Variants in NKAIN3 observed in about 807,000 individuals in gnomAD.
NKAIN3 encodes the protein sodium/potassium transporting ATPase interacting 3.
In NKAIN3, 25 loss-of-function variants were observed where a neutral mutation model predicts 30.2. The ratio of observed to expected loss-of-function variants is 0.83; its 90% CI spans 0.60 to 1.16. The LOEUF (loss-of-function observed/expected upper bound fraction) is 1.16. NKAIN3 is among the 50% of genes most tolerant of loss of function. NKAIN3 has a pLI of 0.00. For synonymous variants in NKAIN3, 91 were observed against 89.6 expected, an observed-to-expected ratio of 1.02 and a Z score of -0.09; for missense variants, 225 against 254.1, an observed-to-expected ratio of 0.89 and a Z score of 0.78.
intron 1 of NKAIN3, among the ~76,000 whole-genome samples, chr8:62,294,043 G>T (rs1351398094): frequency 6.6e-6 from 1 of 152,222 alleles, no homozygotes; most frequent in Admixed American, 6.5e-5. Flanking sequence ...AGTCAGGCAC[G>T]GGATGCAATC....
chr8:62,937,702 CA>C (rs1003000816), intron 5 of NKAIN3, among the ~76,000 whole-genome samples: 13 of 151,828 alleles, frequency 8.6e-5, no homozygotes, highest in Middle Eastern at 3.2e-3. Context: ...AGTGGGGGGG[CA>C]AAAGGGAAGT....
chr8:62,821,979 C>G (rs1016415472), intron 4 of NKAIN3, among the ~76,000 whole-genome samples: 1 of 151,930 alleles, frequency 6.6e-6, no homozygotes, highest in African/African-American at 2.4e-5. Flanking sequence ...TACGGAAAAG[C>G]CTTTATAGAG....
At chr8:62,364,530 C>T (rs1021217537) in intron 1 of NKAIN3, among the ~76,000 whole-genome samples, 1 of 151,976 alleles carries the variant, frequency 6.6e-6, no homozygotes, top group Non-Finnish European at 1.5e-5. Context: ...CTCCTTTGTT[C>T]TTCCCTTTTT....
chr8:62,405,538 G>A (rs1227832928), intron 1 of NKAIN3, among the ~76,000 whole-genome samples: 1 of 152,212 alleles, frequency 6.6e-6, no homozygotes, highest in African/African-American at 2.4e-5. Context: ...CACTGTGACA[G>A]AGAAGCACTG....
intron 6 of NKAIN3, among the ~76,000 whole-genome samples, chr8:62,964,515 G>C (rs1397464853): frequency 6.9e-6 from 1 of 145,354 alleles, no homozygotes; most frequent in African/African-American, 2.5e-5. Flanking sequence ...AACAGAACCA[G>C]TAGAGAAAGA....
intron 1 of NKAIN3, among the ~76,000 whole-genome samples, chr8:62,540,662 T>G (rs1808808955): frequency 6.6e-6 from 1 of 152,124 alleles, no homozygotes. Context: ...CTAGACCTAT[T>G]CTTCAGCTGT....
rs1815616038 is a variant in NKAIN3 at position 62,337,835 on chromosome 8, T to C, written c.54+88708T>C. On this transcript the variant is annotated intron_variant, in intron 1 of 6. Transcript: ENST00000623646. ...TTGTCCACTGAATTAATTTCACAACTGCAGTTTATTTCATAAACTGAAGTG... is the reference window on the plus strand; with the variant it reads ...TTGTCCACTGAATTAATTTCACAACCGCAGTTTATTTCATAAACTGAAGTG... Among the ~76,000 whole-genome samples the C allele has an allele frequency of 2.6e-5, 4 of 152,148 alleles. No homozygotes were observed. The South Asian group carries it at 8.3e-4, about 32-fold the overall frequency.
At chr8:62,287,506 A>T (rs147009299) in intron 1 of NKAIN3, among the ~76,000 whole-genome samples, 164 of 152,210 alleles carry the variant, frequency 1.1e-3, no homozygotes, top group African/African-American at 3.8e-3. Context: ...ATATAGTCAT[A>T]GTATATAGGT....
At chr8:62,545,297 C>G (rs1357043643) in intron 1 of NKAIN3, among the ~76,000 whole-genome samples, 1 of 152,086 alleles carries the variant, frequency 6.6e-6, no homozygotes, top group Non-Finnish European at 1.5e-5. Flanking sequence ...AAATGAGCAC[C>G]TCTTCCACTG....
intron 1 of NKAIN3, among the ~76,000 whole-genome samples, chr8:62,423,837 A>G (rs1248551588): frequency 6.6e-6 from 1 of 151,996 alleles, no homozygotes; most frequent in Non-Finnish European, 1.5e-5. Context: ...TACTAAAAAC[A>G]TTCTTTATTT....
intron 1 of NKAIN3, among the ~76,000 whole-genome samples, chr8:62,309,146 A>T (rs1403261083): frequency 6.6e-6 from 1 of 150,656 alleles, no homozygotes; most frequent in Non-Finnish European, 1.5e-5. Context: ...TTGTTTTATA[A>T]AATGGTGCTC....
chr8:62,487,875 G>T (rs1354675101), intron 1 of NKAIN3, among the ~76,000 whole-genome samples: 4 of 152,160 alleles, frequency 2.6e-5, no homozygotes, highest in Non-Finnish European at 4.4e-5. Context: ...AGAGTTTGGG[G>T]TAGTATACCA....
intron 1 of NKAIN3, among the ~76,000 whole-genome samples, chr8:62,430,387 G>A (rs1333869208): frequency 6.6e-6 from 1 of 150,900 alleles, no homozygotes; most frequent in Non-Finnish European, 1.5e-5. Context: ...GTGTGTGTGT[G>A]TGTGTGTGTG....
chr8:62,631,960 G>T (rs1169665119), intron 3 of NKAIN3, among the ~76,000 whole-genome samples: 1 of 152,120 alleles, frequency 6.6e-6, no homozygotes, highest in Non-Finnish European at 1.5e-5. Context: ...TTCAAGTTAG[G>T]CACTGGATAA....
chr8:62,621,434 T>G (rs895342554), intron 3 of NKAIN3, among the ~76,000 whole-genome samples: 2 of 152,118 alleles, frequency 1.3e-5, no homozygotes, highest in Admixed American at 1.3e-4. Context: ...CTTTCTTTAT[T>G]TTATTGCTCA....
chr8:62,652,021 G>A (rs981119505), intron 3 of NKAIN3, among the ~76,000 whole-genome samples: 2 of 152,086 alleles, frequency 1.3e-5, no homozygotes, highest in African/African-American at 4.8e-5. Flanking sequence ...TCAGGTCATA[G>A]CAACACAAGA....
At chr8:62,675,428 T>C (rs999428082) in intron 3 of NKAIN3, among the ~76,000 whole-genome samples, 2 of 152,248 alleles carry the variant, frequency 1.3e-5, no homozygotes, top group African/African-American at 4.8e-5. Flanking sequence ...ACAGAGTATA[T>C]GCATTTTTCT....
At chr8:62,372,119 T>G (rs2129593340) in intron 1 of NKAIN3, among the ~76,000 whole-genome samples, 1 of 152,052 alleles carries the variant, frequency 6.6e-6, no homozygotes, top group South Asian at 2.1e-4. Flanking sequence ...AAAGCCAAAC[T>G]GATTAACTTG....
chr8:62,891,514 C>A (rs1019036720), intron 4 of NKAIN3, among the ~76,000 whole-genome samples: 1 of 152,150 alleles, frequency 6.6e-6, no homozygotes. Flanking sequence ...AGTCAATTCT[C>A]GTAATAAACT....
Sources: allele counts gnomAD v4.1 joint callset (sites outside exome capture counted in the v4.1 genomes callset), GRCh38; gene constraint gnomAD v4.1.1; transcripts MANE v1.5; gene names NCBI Gene and HGNC (gene_info 2026-07-23, HGNC 2026-07-21).